C5orf46: variants seen among roughly 807,000 people sequenced by gnomAD.
C5orf46 encodes uncharacterized protein C5orf46.
In C5orf46, 9 loss-of-function variants were observed where a neutral mutation model predicts 8.9. The ratio of observed to expected loss-of-function variants is 1.01; its 90% confidence interval spans 0.61 to 1.76. C5orf46 has a LOEUF of 1.76. Ranked by LOEUF, C5orf46 falls within the 40% of genes most tolerant of loss-of-function variation. C5orf46 has a pLI of 0.00. For missense variants in C5orf46, 98 were observed against 107.8 expected, an observed-to-expected ratio of 0.91 and a Z score of 0.40; for synonymous variants, 47 against 41.4, an observed-to-expected ratio of 1.14 and a Z score of -0.52.
chr5:147,901,843 A>C (rs558276714), intron 1 of C5orf46, 70 bp from the exon 2 acceptor site: 108 of 1,526,128 alleles, frequency 7.1e-5, no homozygotes, highest in Middle Eastern at 1.7e-4. Flanking sequence ...TGTGTGGGGA[A>C]CGCTTGGGAT....
At chr5:147,890,733 T>C (rs1352273168), downstream of C5orf46, among the ~76,000 whole-genome samples, 1 of 151,980 alleles carries the variant, frequency 6.6e-6, no homozygotes, top group Admixed American at 6.6e-5. Context: ...AAGAACATAC[T>C]TGGACTATTT....
chr5:147,885,922 A>G (rs528276180), intron 2 of C5orf46, among the ~76,000 whole-genome samples: 132 of 152,304 alleles, frequency 8.7e-4, no homozygotes, highest in Admixed American at 1.6e-3. Flanking sequence ...CAAAAACTGG[A>G]AACAACACAG....
In C5orf46 at chr5:147,901,695, C is replaced by T. The variant is rs753458783; in HGVS notation, c.149G>A (p.Ser50Asn). ...CTCAATGATCTCTGTGCCCAGGAGGCTTAGGAATTTGGGGAAGTCTGGCTT... is the reference window on the plus strand; with the variant it reads ...CTCAATGATCTCTGTGCCCAGGAGGTTTAGGAATTTGGGGAAGTCTGGCTT... ...DPKPDFPKFL[S>N]LLGTEIIENA... Residue 50 changes from serine (S) to asparagine (N), a missense_variant, in exon 2 of 4, where the codon AGC becomes AAC. Ser to Asn is a conservative substitution (Grantham distance 46, BLOSUM62 1). Coordinates refer to ENST00000318315, the MANE Select transcript of C5orf46 (RefSeq NM_206966.3). 1.9e-6 allele frequency: 3 copies of T among 1,613,996 alleles called. No homozygotes were observed. In the Admixed American group the frequency reaches 5.0e-5, roughly 27 times the overall value.
chr5:147,903,122 A>G (rs1203077484), intron 1 of C5orf46, among the ~76,000 whole-genome samples: 1 of 152,070 alleles, frequency 6.6e-6, no homozygotes, highest in Non-Finnish European at 1.5e-5. Flanking sequence ...TTCCCAGGAG[A>G]TGAGAAGAGA....
At chr5:147,900,616 G>T (rs1170079249) in intron 2 of C5orf46, among the ~76,000 whole-genome samples, 1 of 152,184 alleles carries the variant, frequency 6.6e-6, no homozygotes, top group Non-Finnish European at 1.5e-5. Context: ...TACCTGAAAA[G>T]CTTGTTGAAA....
rs988710266 is a variant in C5orf46, at chr5:147,900,446, C to A, written c.215+1183G>T. 1.5e-4 allele frequency among the ~76,000 whole-genome samples: 23 copies of A among 152,130 alleles called. 1 individual carries two copies. The highest frequency in any genetic ancestry group is 7.3e-5 in the Non-Finnish European group (5 of 68,030). ...TTGAAAATCTAATAGAAGTCATGAACACTTTCCCCGGGAAAATGCAAAAAT... is the reference window on the plus strand; with the variant it reads ...TTGAAAATCTAATAGAAGTCATGAAAACTTTCCCCGGGAAAATGCAAAAAT... On this transcript the variant is annotated intron_variant, in intron 2 of 3. Coordinates refer to ENST00000318315, the MANE Select transcript of C5orf46 (RefSeq NM_206966.3).
chr5:147,893,598 A>G (rs967652733), intron 3 of C5orf46, among the ~76,000 whole-genome samples: 4 of 151,958 alleles, frequency 2.6e-5, no homozygotes, highest in African/African-American at 9.7e-5. Flanking sequence ...GCTGGAGTGC[A>G]GTGGCTTGAT....
intron 3 of C5orf46, among the ~76,000 whole-genome samples, chr5:147,896,104 A>G (rs1254162617): frequency 1.3e-5 from 2 of 152,128 alleles, no homozygotes; most frequent in African/African-American, 4.8e-5. Flanking sequence ...GAACATCTTG[A>G]GGTATGACTT....
At chr5:147,906,336 C>T in intron 1 of C5orf46, 96 bp downstream of exon 1, 1 of 687,444 alleles carries the variant, frequency 1.5e-6, no homozygotes, top group East Asian at 2.8e-5. Context: ...GCCCAAAGAC[C>T]CCTTCTTTCT....
intron 1 of C5orf46, among the ~76,000 whole-genome samples, chr5:147,902,012 C>T (rs939316608): frequency 2.6e-5 from 4 of 152,114 alleles, no homozygotes; most frequent in Admixed American, 6.5e-5. Flanking sequence ...ACACTGGCAC[C>T]GCCTGGTGAG....
chr5:147,905,983 G>A (rs1259245611), intron 1 of C5orf46, among the ~76,000 whole-genome samples: 24 of 152,026 alleles, frequency 1.6e-4, no homozygotes, highest in Admixed American at 1.4e-3. Context: ...ATAACTTTAC[G>A]AGAAAGTTAA....
At chr5:147,888,045 C>A (rs1239091958), downstream of C5orf46, among the ~76,000 whole-genome samples, 1 of 152,158 alleles carries the variant, frequency 6.6e-6, no homozygotes, top group East Asian at 1.9e-4. Context: ...ATTTTGTATC[C>A]AATGTTCTCC....
chr5:147,889,831 A>G (rs1580979700), downstream of C5orf46, among the ~76,000 whole-genome samples: 1 of 152,176 alleles, frequency 6.6e-6, no homozygotes. Context: ...TGTACTAAGT[A>G]TGAGGATTCA....
chr5:147,901,637 G>A lies in C5orf46; in HGVS notation c.207C>T (p.Ser69=). The change falls in exon 2 of 4, where the codon TCC becomes TCT. Residue 69 remains serine, a synonymous_variant. Coordinates refer to ENST00000318315, the MANE Select transcript of C5orf46 (RefSeq NM_206966.3). ...TTTTTCTCAGTGCTTACGTGCTCCT[G>A]GACATGGAGCGGAGGATGAACTCGA... The part of the protein sequence containing the change: ...NAVEFILRSM[S]RSTGFMEFDD... 1 of 1,613,860 alleles carries A rather than the reference G, an allele frequency of 6.2e-7. No homozygotes were observed. Among genetic ancestry groups the A allele is most frequent in the Non-Finnish European group, 8.5e-7 (1 of 1,179,820 alleles).
At chr5:147,903,026 A>T (rs567755055) in intron 1 of C5orf46, among the ~76,000 whole-genome samples, 13 of 152,182 alleles carry the variant, frequency 8.5e-5, no homozygotes, top group Non-Finnish European at 1.6e-4. Context: ...TTAAGGGCCC[A>T]TTGGAATGAG....
In C5orf46 at chr5:147,896,982, A is replaced by C. The variant is rs945586510; in HGVS notation, c.*9+2T>G. The C allele has an allele frequency of 3.4e-6, 5 of 1,464,692 alleles. No homozygotes were observed. Among genetic ancestry groups the C allele is most frequent in the Non-Finnish European group, 4.7e-6 (5 of 1,062,598 alleles). 90.7% of individuals were successfully genotyped at this position (1,464,692 alleles called of 1,614,324 possible). On this transcript the variant is annotated splice_donor_variant, in intron 3 of 3. Coordinates refer to ENST00000318315, the MANE Select transcript of C5orf46 (RefSeq NM_206966.3). LOFTEE classifies it low-confidence loss of function (3UTR_SPLICE). Reference sequence around the variant, plus strand: ...AGTTGTAAATTTTAAGTGAAAAATCACCTGAGGATGTCACTTTGATGAATG... The same window carrying C: ...AGTTGTAAATTTTAAGTGAAAAATCCCCTGAGGATGTCACTTTGATGAATG...
At chr5:147,904,806 A>G (rs894923977) in intron 1 of C5orf46, among the ~76,000 whole-genome samples, 3 of 150,544 alleles carry the variant, frequency 2.0e-5, no homozygotes, top group African/African-American at 7.3e-5. Flanking sequence ...TCAGGATTGA[A>G]AGATATTTTA....
downstream of C5orf46, among the ~76,000 whole-genome samples, chr5:147,889,020 C>G (rs182940248): frequency 1.3e-4 from 20 of 152,000 alleles, no homozygotes; most frequent in Non-Finnish European, 2.8e-4. Flanking sequence ...GCCCTTTGAT[C>G]TTGCAATTCA....
chr5:147,901,678 T>C lies in C5orf46; in HGVS notation c.166A>G (p.Ile56Val). The stretch of plus-strand genomic sequence containing the variant: ...ATGAACTCGACTGCATTCTCAATGA[T>C]CTCTGTGCCCAGGAGGCTTAGGAAT... ...PKFLSLLGTEIIENAVEFILR... is the reference protein window; with the variant it reads ...PKFLSLLGTEVIENAVEFILR... The change falls in exon 2 of 4, where the codon ATC becomes GTC. Residue 56 changes from isoleucine (I) to valine (V), a missense_variant. Physicochemically the swap from Ile to Val is conservative, Grantham distance 29. Transcript: ENST00000318315. 1 of 1,614,058 alleles carries C rather than the reference T, an allele frequency of 6.2e-7. No homozygotes were observed. The highest frequency in any genetic ancestry group is 1.1e-5 in the South Asian group (1 of 91,076).
Sources: allele counts gnomAD v4.1 joint callset (sites outside exome capture counted in the v4.1 genomes callset), GRCh38; gene constraint gnomAD v4.1.1; transcripts MANE v1.5; gene names NCBI Gene and HGNC (gene_info 2026-07-23, HGNC 2026-07-21).